IQCM: variants seen among roughly 807,000 people sequenced by gnomAD.
The protein encoded by IQCM is IQ domain-containing protein M.
In IQCM, 45 loss-of-function variants were observed where a neutral mutation model predicts 57.6. The ratio of observed to expected loss-of-function variants is 0.78; its 90% confidence interval spans 0.62 to 1.00. The LOEUF (loss-of-function observed/expected upper bound fraction) is 1.00. IQCM is among the 50% of genes least tolerant of loss of function. The probability of loss-of-function intolerance (pLI) is 0.00; values close to 1 mark genes in which losing one functional copy is unlikely to be tolerated. For missense variants in IQCM, 468 were observed against 511.6 expected, an observed-to-expected ratio of 0.91 and a Z score of 0.82; for synonymous variants, 148 against 158.9, an observed-to-expected ratio of 0.93 and a Z score of 0.51.
intron 12 of IQCM, among the ~76,000 whole-genome samples, chr4:149,512,270 G>A (rs1004190889): frequency 7.2e-5 from 11 of 152,092 alleles, no homozygotes; most frequent in African/African-American, 2.7e-4. Flanking sequence ...TGGGGGGGCA[G>A]TGTGGGAATG....
In IQCM at chr4:149,410,182, A is replaced by AAAACAAAC. The variant is rs533165074; in HGVS notation, c.1390+23206_1390+23213dup. On this transcript the variant is annotated intron_variant, in intron 13 of 13. Transcript: ENST00000636793. ...TGGGCTACAGAGCAAGGCTCCATTTAAAACAAACAAACAAACAAACAAACA... is the reference window on the plus strand; with the variant it reads ...TGGGCTACAGAGCAAGGCTCCATTTAAAACAAACAAACAAACAAACAAACAAACAAACA... Among the ~76,000 whole-genome samples, 71 of 152,146 alleles carry AAAACAAAC rather than the reference A, an allele frequency of 4.7e-4. 2 individuals are homozygous for AAAACAAAC. The South Asian group carries it at 0.015, about 31-fold the overall frequency.
intron 2 of IQCM, among the ~76,000 whole-genome samples, chr4:149,751,584 TA>T (rs1278034226): frequency 6.6e-6 from 1 of 152,222 alleles, no homozygotes; most frequent in East Asian, 1.9e-4. Flanking sequence ...CTTTCATCTG[TA>T]ATAATCATTG....
intron 2 of IQCM, among the ~76,000 whole-genome samples, chr4:149,804,833 T>C (rs916218211): frequency 1.2e-4 from 19 of 152,174 alleles, no homozygotes; most frequent in African/African-American, 4.3e-4. Flanking sequence ...AGATATTTAG[T>C]GTATTTCCCT....
In IQCM at chr4:149,798,349, C is replaced by G. The variant is rs1026853674; in HGVS notation, c.-49+16962G>C. Among the ~76,000 whole-genome samples the G allele has an allele frequency of 2.0e-5, 3 of 151,770 alleles. No homozygotes were observed. The South Asian group carries it at 6.2e-4, about 31-fold the overall frequency. ...GGCCAAAAAGCATACAATGAATACA[C>G]AAAAAATATAAAGCAAGAAACTAAA... On this transcript the variant is annotated intron_variant, in intron 2 of 13. Transcript: ENST00000636793.
At chr4:149,795,098 A>G (rs1772993280) in intron 2 of IQCM, among the ~76,000 whole-genome samples, 1 of 152,232 alleles carries the variant, frequency 6.6e-6, no homozygotes, top group Non-Finnish European at 1.5e-5. Context: ...AATTATATCT[A>G]AAATTTTTTA....
chr4:149,408,980 T>G (rs1733180204), intron 13 of IQCM, among the ~76,000 whole-genome samples: 1 of 152,232 alleles, frequency 6.6e-6, no homozygotes, highest in Non-Finnish European at 1.5e-5. Context: ...ACAAAATTAC[T>G]TTCTGCAAAT....
At chr4:149,693,969 ATTGT>A (rs1763126305) in intron 5 of IQCM, among the ~76,000 whole-genome samples, 1 of 152,138 alleles carries the variant, frequency 6.6e-6, no homozygotes, top group African/African-American at 2.4e-5. Flanking sequence ...TGCAGCACTC[ATTGT>A]TTGGTTGGCC....
chr4:149,356,083 A>G (rs185947960), intron 13 of IQCM, among the ~76,000 whole-genome samples: 1 of 152,002 alleles, frequency 6.6e-6, no homozygotes, highest in East Asian at 1.9e-4. Flanking sequence ...CCACTTTTTG[A>G]TGGGGCTGTT....
intron 12 of IQCM, among the ~76,000 whole-genome samples, chr4:149,480,966 A>G (rs891133401): frequency 1.3e-5 from 2 of 152,076 alleles, no homozygotes; most frequent in African/African-American, 4.8e-5. Context: ...GGGTGAGACG[A>G]TATCTCATTG....
intron 2 of IQCM, among the ~76,000 whole-genome samples, chr4:149,746,687 T>A (rs1212527335): frequency 6.6e-6 from 1 of 152,194 alleles, no homozygotes; most frequent in Non-Finnish European, 1.5e-5. Flanking sequence ...GACTTAGTTT[T>A]CTCATTTACA....
At chr4:149,578,793 C>T (rs1751900918) in intron 9 of IQCM, among the ~76,000 whole-genome samples, 1 of 151,830 alleles carries the variant, frequency 6.6e-6, no homozygotes, top group African/African-American at 2.4e-5. Context: ...ACTACCATTT[C>T]CAAAAGACTG....
intron 7 of IQCM, among the ~76,000 whole-genome samples, chr4:149,671,776 A>G (rs1173435276): frequency 1.3e-5 from 2 of 152,132 alleles, no homozygotes; most frequent in Non-Finnish European, 1.5e-5. Flanking sequence ...GTTTCCATGT[A>G]GTTGAGCAGT....
rs1351690397 is a variant in IQCM at position 149,792,914 on chromosome 4, T to A, written c.-49+22397A>T. 2.0e-5 allele frequency among the ~76,000 whole-genome samples: 3 copies of A among 152,150 alleles called. No individual in the cohort carries two copies. The East Asian group carries it at 5.8e-4, about 29-fold the overall frequency. ...TTTCAACCATAATGCAAAATCAGGT[T>A]CTACCGTAGACCCCACACATCTCAG... On this transcript the variant is annotated intron_variant, in intron 2 of 13. Coordinates refer to ENST00000636793, the MANE Select transcript of IQCM (RefSeq NM_001363507.2).
chr4:149,486,782 C>T (rs752599449), intron 12 of IQCM, among the ~76,000 whole-genome samples: 1 of 151,894 alleles, frequency 6.6e-6, no homozygotes, highest in African/African-American at 2.4e-5. Context: ...AGAGCTCTTT[C>T]CTCAGGTTGT....
In IQCM at chr4:149,415,228, A is replaced by G. The variant is rs115911885; in HGVS notation, c.1390+18168T>C. ...AGGTTACCTAGAAAAATTACATTGC[A>G]ATCATTGGCTTCTGAAGAAAGCTCA... On this transcript the variant is annotated intron_variant, in intron 13 of 13. Coordinates refer to ENST00000636793, the MANE Select transcript of IQCM (RefSeq NM_001363507.2). Among the ~76,000 whole-genome samples the G allele has an allele frequency of 8.3e-3, 1,262 of 152,266 alleles. 9 individuals are homozygous for G. The highest frequency in any genetic ancestry group is 0.015 in the Admixed American group (228 of 15,278).
At chr4:149,555,604 T>C (rs940407113) in intron 10 of IQCM, among the ~76,000 whole-genome samples, 5 of 152,246 alleles carry the variant, frequency 3.3e-5, no homozygotes, top group African/African-American at 1.2e-4. Context: ...ACCCAGCCTT[T>C]ACTATTCCTT....
intron 2 of IQCM, among the ~76,000 whole-genome samples, chr4:149,786,013 GTATTTCTAAAT>G (rs1772048119): frequency 6.6e-6 from 1 of 152,076 alleles, no homozygotes; most frequent in Non-Finnish European, 1.5e-5. Context: ...GTGGTATTTT[GTATTTCTAAAT>G]TATATTATAA....
rs1365816897 is a variant in IQCM at position 149,733,315 on chromosome 4, C to T, written c.314G>A (p.Arg105Gln). 48 of 1,231,110 alleles carry T rather than the reference C, an allele frequency of 3.9e-5. No individual in the cohort carries two copies. The highest frequency in any genetic ancestry group is 4.6e-5 in the Non-Finnish European group (45 of 987,738). The allele number at this position is 1,231,110 out of a possible 1,614,324, so 76.3% of individuals were successfully genotyped here. The change falls in exon 5 of 14, where the codon CGA becomes CAA. Residue 105 changes from arginine (R) to glutamine (Q), a missense_variant. By Grantham distance (43) the Arg-to-Gln change is conservative. Coordinates refer to ENST00000636793, the MANE Select transcript of IQCM (RefSeq NM_001363507.2). ...KSEHLQEPPQ[R>Q]ISFKEPHIFS... ...AATGTGTGGTTCCTTGAAGGAGATT[C>T]GTTGTGGGGGTTCCTGAAGATGCTC...
intron 12 of IQCM, among the ~76,000 whole-genome samples, chr4:149,457,527 A>AAAACCAAGACATGAAAAACAT (rs1169866360): frequency 6.6e-6 from 1 of 152,134 alleles, no homozygotes; most frequent in Non-Finnish European, 1.5e-5. Context: ...AAATAATTCT[A>AAAACCAAGACATGAAAAACAT]AAACCAAGAC....
Sources: gnomAD v4.1 joint callset for allele counts (sites outside exome capture counted in the v4.1 genomes callset) on GRCh38, gnomAD v4.1.1 for gene constraint, MANE v1.5 for transcripts, NCBI Gene and HGNC (gene_info 2026-07-23, HGNC 2026-07-21) for gene names.